The following ORAI2 variants were observed in gnomAD, a reference collection of about 807,000 sequenced individuals.
ORAI2 encodes the protein ORAI calcium release-activated calcium modulator 2.
In ORAI2, 10 loss-of-function variants were observed where a neutral mutation model predicts 16.2. The observed-to-expected ratio is 0.62, with a 90% CI of 0.38 to 1.04. The LOEUF is 1.04. Ranked by LOEUF, ORAI2 falls within the 50% of genes least tolerant of loss-of-function variation. The pLI is 0.01. For missense variants in ORAI2, 238 were observed against 355.5 expected (o/e 0.67, Z 2.66); for synonymous variants, 150 against 157.5 (o/e 0.95, Z 0.35).
At chr7:102,444,452 C>T (rs1316132511) in intron 3 of ORAI2, among the ~76,000 whole-genome samples, 2 of 151,532 alleles carry the variant, frequency 1.3e-5, no homozygotes, top group Admixed American at 6.6e-5. Flanking sequence ...AGAGTTTTGC[C>T]ATATTGGCCA....
At chr7:102,446,226 G>A (rs1284671329) in intron 3 of ORAI2, among the ~76,000 whole-genome samples, 2 of 152,288 alleles carry the variant, frequency 1.3e-5, no homozygotes, top group African/African-American at 4.8e-5. Flanking sequence ...TGGGATTATA[G>A]GCGTGAGCGA....
chr7:102,434,062 C>T (rs1796994779), intron 1 of ORAI2, among the ~76,000 whole-genome samples: 1 of 142,362 alleles, frequency 7.0e-6, no homozygotes, highest in Admixed American at 7.4e-5. Context: ...AAAAGCTCAT[C>T]TCTAGAGAGG....
In ORAI2 at chr7:102,438,984, G is replaced by T. The variant is rs751764863; in HGVS notation, c.28G>T (p.Asp10Tyr). ...GAGTGCTGAGCTTAACGTGCCTATC[G>T]ACCCCTCTGCTCCTGCCTGCCCTGA... Reference protein sequence around the residue: MSAELNVPIDPSAPACPEPG... With the variant: MSAELNVPIYPSAPACPEPG... Residue 10 changes from aspartate (D) to tyrosine (Y), a missense_variant, in exon 3 of 4, where the codon GAC (aspartate) becomes TAC (tyrosine). Coordinates refer to ENST00000495936, the MANE Select transcript of ORAI2 (RefSeq NM_001126340.3). 6.2e-7 allele frequency: 1 copy of T among 1,613,680 alleles called. No individual in the cohort carries two copies. Among genetic ancestry groups the T allele is most frequent in the Admixed American group, 1.7e-5 (1 of 59,936 alleles).
In ORAI2 at chr7:102,452,647, G is replaced by T. The variant is rs117529315; in HGVS notation, c.*5595G>T. Reference sequence around the variant, plus strand: ...TGTAGAGATGGGATCTTGCTATGTTGCCCAGTCTGGTCTTGAACTTCTGGC... The same window carrying T: ...TGTAGAGATGGGATCTTGCTATGTTTCCCAGTCTGGTCTTGAACTTCTGGC... On this transcript the variant is annotated 3_prime_UTR_variant, in exon 4 of 4. Coordinates refer to ENST00000495936, the MANE Select transcript of ORAI2 (RefSeq NM_001126340.3). 0.074 allele frequency: 11,185 copies of T among 150,758 alleles called. 440 individuals carry two copies. Among genetic ancestry groups the T allele is most frequent in the Non-Finnish European group, 0.096 (6,539 of 67,842 alleles). The allele number at this position is 150,758 out of a possible 1,614,324, so 9.3% of individuals were successfully genotyped here. A position where few individuals can be genotyped will look rare whatever the true frequency, so the allele number is the denominator to read the frequency against.
chr7:102,446,775 C>G lies in ORAI2; in HGVS notation c.488C>G (p.Ala163Gly). 1 of 1,614,152 alleles carries G rather than the reference C, an allele frequency of 6.2e-7. No individual in the cohort carries two copies. Among genetic ancestry groups the G allele is most frequent in the Non-Finnish European group, 8.5e-7 (1 of 1,180,042 alleles). ...GTGCTTGGCATCCTACTCTTCCTGGCCGAGGTGGTGCTGCTCTGCTGGATC... is the reference window on the plus strand; with the variant it reads ...GTGCTTGGCATCCTACTCTTCCTGGGCGAGGTGGTGCTGCTCTGCTGGATC... ...STVLGILLFL[A>G]EVVLLCWIKF... Residue 163 changes from alanine to glycine, a missense_variant, in exon 4 of 4, where the codon GCC becomes GGC. Around this residue, in one of 3 missense-constraint regions of ORAI2, gnomAD observed 176 missense variants for 265.9 expected, o/e 0.66. Coordinates refer to ENST00000495936, the MANE Select transcript of ORAI2 (RefSeq NM_001126340.3).
In ORAI2 at chr7:102,448,716, CAAA is replaced by C. The variant is rs11303680; in HGVS notation, c.*1678_*1680del. ...TGGGCGACAGAGCCAGACTCCATCTCAAAAAAAAAAAAAAAATTAGCCGGGCGT... is the reference window on the plus strand; with the variant it reads ...TGGGCGACAGAGCCAGACTCCATCTCAAAAAAAAAAAAATTAGCCGGGCGT... On this transcript the variant is annotated 3_prime_UTR_variant, in exon 4 of 4. Transcript: ENST00000495936. 1.9e-5 allele frequency: 2 copies of C among 107,678 alleles called. No homozygotes were observed. The highest frequency in any genetic ancestry group is 3.9e-5 in the Non-Finnish European group (2 of 51,780). The allele number at this position is 107,678 out of a possible 1,614,324, so 6.7% of individuals were successfully genotyped here. A position where few individuals can be genotyped will look rare whatever the true frequency, so the allele number is the denominator to read the frequency against.
rs975261139 is a variant in ORAI2 at position 102,441,993 on chromosome 7, C to A, written c.225+2812C>A. On this transcript the variant is annotated intron_variant, in intron 3 of 3. Coordinates refer to ENST00000495936, the MANE Select transcript of ORAI2 (RefSeq NM_001126340.3). ...GAGTTCGCCCTTTATAGTGTGTCTTCCCTCATTAGAATTGCAAAGCTGTTC... is the reference window on the plus strand; with the variant it reads ...GAGTTCGCCCTTTATAGTGTGTCTTACCTCATTAGAATTGCAAAGCTGTTC... 3.9e-5 allele frequency among the ~76,000 whole-genome samples: 6 copies of A among 152,108 alleles called. 1 individual carries two copies. The highest frequency in any genetic ancestry group is 2.6e-4 in the Admixed American group (4 of 15,270).
At position 102,452,401 on chromosome 7, in the gene ORAI2, T is replaced by C. The variant is rs1797547377; in HGVS notation, c.*5349T>C. ...ACCTCGGCCTCCCAAAGTGCTGGGATTACAGGTGTGAGCCAGCTTGCCCAG... is the reference window on the plus strand; with the variant it reads ...ACCTCGGCCTCCCAAAGTGCTGGGACTACAGGTGTGAGCCAGCTTGCCCAG... On this transcript the variant is annotated 3_prime_UTR_variant, in exon 4 of 4. Transcript: ENST00000495936. The C allele has an allele frequency of 6.6e-6, 1 of 152,434 alleles. No individual in the cohort carries two copies. Among genetic ancestry groups the C allele is most frequent in the South Asian group, 2.1e-4 (1 of 4,828 alleles). The allele number at this position is 152,434 out of a possible 1,614,324, so 9.4% of individuals were successfully genotyped here. A position where few individuals can be genotyped will look rare whatever the true frequency, so the allele number is the denominator to read the frequency against.
chr7:102,441,923 C>T (rs1167016449), intron 3 of ORAI2, among the ~76,000 whole-genome samples: 1 of 152,098 alleles, frequency 6.6e-6, no homozygotes, highest in Admixed American at 6.5e-5. Flanking sequence ...GTAGCTGAGT[C>T]GGGGCAGGGC....
Position 102,453,797 on chromosome 7 carries a change from T to G in ORAI2, c.*6745T>G, listed in dbSNP as rs1230708229. ...AGGCTGGACTGCAATGGTGTGATCT[T>G]GGCTCACTGTAACCTCCGCCTCCCG... On this transcript the variant is annotated 3_prime_UTR_variant, in exon 4 of 4. Transcript: ENST00000495936. The G allele has an allele frequency of 6.6e-6, 1 of 152,268 alleles. No homozygotes were observed. Among genetic ancestry groups the G allele is most frequent in the East Asian group, 1.9e-4 (1 of 5,168 alleles). The allele number at this position is 152,268 out of a possible 1,614,324, so 9.4% of individuals were successfully genotyped here.
intron 3 of ORAI2, among the ~76,000 whole-genome samples, chr7:102,444,570 A>G (rs1797294321): frequency 7.9e-6 from 1 of 127,158 alleles, no homozygotes; most frequent in African/African-American, 3.0e-5. Flanking sequence ...ACCTGGCCTG[A>G]GTTTTGTTGT....
At chr7:102,441,924 G>T (rs191154888) in intron 3 of ORAI2, among the ~76,000 whole-genome samples, 3 of 152,126 alleles carry the variant, frequency 2.0e-5, no homozygotes, top group Admixed American at 6.5e-5. Flanking sequence ...TAGCTGAGTC[G>T]GGGCAGGGCC....
chr7:102,433,882 G>A lies in ORAI2; in HGVS notation c.-123+221G>A, dbSNP rs529255643. Among the ~76,000 whole-genome samples the A allele has an allele frequency of 4.6e-5, 7 of 152,060 alleles. No homozygotes were observed. In the South Asian group the frequency reaches 1.5e-3, roughly 32 times the overall value. On this transcript the variant is annotated intron_variant, in intron 1 of 3. Coordinates refer to ENST00000495936, the MANE Select transcript of ORAI2 (RefSeq NM_001126340.3). The surrounding 1 kb of genome is among the most constrained non-coding windows in gnomAD (Gnocchi z 4.6). ...GGCGGCGCAGCCGGTTCCGGACACC[G>A]GGGCGTCCCTGGGGGAGGGACAGGG...
chr7:102,440,258 C>T (rs1342114344), intron 3 of ORAI2, among the ~76,000 whole-genome samples: 1 of 152,088 alleles, frequency 6.6e-6, no homozygotes, highest in African/African-American at 2.4e-5. Context: ...TCAGTTTAGC[C>T]CAGTTAGCGA....
rs1461222569 is a variant in ORAI2 at position 102,456,497 on chromosome 7, C to T, written c.*9445C>T. ...TCAAGCAATCCTCCCACCTGAGCCC[C>T]GCAAAGTACTCGGATTACAGGTGTG... On this transcript the variant is annotated 3_prime_UTR_variant, in exon 4 of 4. Coordinates refer to ENST00000495936, the MANE Select transcript of ORAI2 (RefSeq NM_001126340.3). The T allele has an allele frequency of 1.3e-5, 2 of 152,204 alleles. No individual in the cohort carries two copies. Among genetic ancestry groups the T allele is most frequent in the Non-Finnish European group, 2.9e-5 (2 of 68,074 alleles). The allele number at this position is 152,204 out of a possible 1,614,324, so 9.4% of individuals were successfully genotyped here. A position where few individuals can be genotyped will look rare whatever the true frequency, so the allele number is the denominator to read the frequency against.
At chr7:102,443,095 C>T (rs576834345) in intron 3 of ORAI2, among the ~76,000 whole-genome samples, 29 of 16,056 alleles carry the variant, frequency 1.8e-3, no homozygotes, top group South Asian at 5.4e-3. Context: ...CTCTTTTCTT[C>T]TTCTTCTTCT....
In ORAI2 at chr7:102,447,418, C is replaced by G; in HGVS notation, c.*366C>G. 4.1e-6 allele frequency: 1 copy of G among 245,336 alleles called. No individual in the cohort carries two copies. Among genetic ancestry groups the G allele is most frequent in the Non-Finnish European group, 7.9e-6 (1 of 126,938 alleles). 15.2% of individuals were successfully genotyped at this position (245,336 alleles called of 1,614,324 possible). A position where few individuals can be genotyped will look rare whatever the true frequency, so the allele number is the denominator to read the frequency against. ...GACCCGGCATGCGTGGCTGGCAGAC[C>G]TGGGAGAGCCAGGGCAGGGTTTTGC... On this transcript the variant is annotated 3_prime_UTR_variant, in exon 4 of 4. Transcript: ENST00000495936.
chr7:102,439,213 G>C (rs760581132), intron 3 of ORAI2, 32 bp downstream of exon 3: 6 of 1,571,988 alleles, frequency 3.8e-6, no homozygotes, highest in Non-Finnish European at 5.2e-6. Context: ...GGAGCACACT[G>C]GTCAGATGGG....
intron 1 of ORAI2, among the ~76,000 whole-genome samples, chr7:102,435,610 C>T (rs1797040479): frequency 6.7e-6 from 1 of 148,392 alleles, no homozygotes; most frequent in Admixed American, 6.8e-5. Flanking sequence ...GCTCTTGGCT[C>T]ACTGCAACCT....
Sources: gnomAD v4.1 joint callset for allele counts (sites outside exome capture counted in the v4.1 genomes callset) on GRCh38, gnomAD v4.1.1 for gene constraint, gnomAD v4.1.1 regional missense constraint, Gnocchi (gnomAD v3.1) non-coding constraint, MANE v1.5 for transcripts, NCBI Gene and HGNC (gene_info 2026-07-23, HGNC 2026-07-21) for gene names.